IGFN1: variants seen among roughly 807,000 people sequenced by gnomAD.
IGFN1 encodes the protein immunoglobulin-like and fibronectin type III domain-containing protein 1.
IGFN1 carries 253 observed loss-of-function variants against 289.5 expected under a neutral mutation model. That is an observed-to-expected ratio of 0.87 (90% CI 0.79 to 0.97). The LOEUF (loss-of-function observed/expected upper bound fraction) is 0.97. IGFN1 is among the 50% of genes least tolerant of loss of function. The pLI is 0.00. For missense variants in IGFN1, 4,470 were observed against 4,686.1 expected (o/e 0.95, Z 1.35); for synonymous variants, 1,706 against 1,788.5 (o/e 0.95, Z 1.16).
intron 8 of IGFN1, 73 bp from the exon 9 acceptor site, chr1:201,201,646 C>T (rs1667165841): frequency 5.1e-6 from 4 of 790,752 alleles, no homozygotes; most frequent in Non-Finnish European, 8.7e-6. Flanking sequence ...GGTACCAGAG[C>T]CTATGAGGGT....
In IGFN1 at chr1:201,216,464, TC is replaced by T. The variant is rs1016960893; in HGVS notation, c.9311del (p.Pro3104HisfsTer30). 1.9e-6 allele frequency: 3 copies of T among 1,567,280 alleles called. No individual in the cohort carries two copies. Among genetic ancestry groups the T allele is most frequent in the Non-Finnish European group, 2.6e-6 (3 of 1,158,530 alleles). On this transcript the variant is annotated frameshift_variant, in exon 16 of 24. Transcript: ENST00000335211. LOFTEE classifies it high-confidence loss of function. ...TCTGTGGGTCCCCAGACAAGCCTGA[TC>T]CCCCACAAGGCCCCATGGAGGTTCA... ...LTLQVIDKPD[P>X]PQGPMEVQDC... is the part of the protein sequence containing the mutation.
chr1:201,215,544 C>T lies in IGFN1; in HGVS notation c.9001C>T (p.Pro3001Ser). ...SEATLTVQDS[P>S]TIAPDVTEKL... ...CTCTCTTGTTTTATTTCTAGATTCC[C>T]CTACCATTGCTCCAGATGTGACAGA... The change falls in exon 15 of 24, where the codon CCT (proline) becomes TCT (serine). Residue 3001 changes from proline (P) to serine (S), a missense_variant. Around this residue, in one of 8 missense-constraint regions of IGFN1, gnomAD observed 2,218 missense variants for 2,114.1 expected, o/e 1.05. Transcript: ENST00000335211. 6.4e-7 allele frequency: 1 copy of T among 1,565,392 alleles called. No individual in the cohort carries two copies. Among genetic ancestry groups the T allele is most frequent in the Non-Finnish European group, 8.7e-7 (1 of 1,154,444 alleles).
chr1:201,226,781 G>A (rs1654122348), intron 22 of IGFN1, 101 bp from the exon 23 acceptor site: 2 of 890,490 alleles, frequency 2.2e-6, no homozygotes, highest in African/African-American at 3.4e-5. Context: ...TCCCAGATAA[G>A]GCCTACATGG....
chr1:201,224,950 A>T (rs1183361548), intron 21 of IGFN1, 76 bp downstream of exon 21: 1 of 1,094,034 alleles, frequency 9.1e-7, no homozygotes, highest in Non-Finnish European at 1.3e-6. Flanking sequence ...CACTGGTCTG[A>T]TCATAGGTCT....
intron 20 of IGFN1, among the ~76,000 whole-genome samples, chr1:201,223,563 G>A (rs1182925828): frequency 6.6e-6 from 1 of 152,068 alleles, no homozygotes; most frequent in Non-Finnish European, 1.5e-5. Context: ...TAGAGATGGG[G>A]TTTCGCCGTG....
chr1:201,211,079 G>A lies in IGFN1; in HGVS notation c.6186G>A (p.Met2062Ile), dbSNP rs1667749507. The A allele has an allele frequency of 8.0e-6, 12 of 1,504,358 alleles. No individual in the cohort carries two copies. The highest frequency in any genetic ancestry group is 1.7e-4 in the Middle Eastern group (1 of 5,836). 93.2% of individuals were successfully genotyped at this position (1,504,358 alleles called of 1,614,324 possible). A position where few individuals can be genotyped will look rare whatever the true frequency, so the allele number is the denominator to read the frequency against. The change falls in exon 12 of 24, where the codon ATG becomes ATA. Residue 2062 changes from methionine (M) to isoleucine (I), a missense_variant. Around this residue, in one of 8 missense-constraint regions of IGFN1, gnomAD observed 20 missense variants for 29.1 expected, o/e 0.69. Coordinates refer to ENST00000335211, the MANE Select transcript of IGFN1 (RefSeq NM_001164586.2). Reference protein sequence around the residue: ...FRDGLGSSVEMGSVNEAGYRK... With the variant: ...FRDGLGSSVEIGSVNEAGYRK... ...ATGGTTTAGGGAGTTCTGTAGAAAT[G>A]GGGTCAGTGAATGAGGCAGGTTATA...
At chr1:201,217,216 C>T in intron 16 of IGFN1, 71 bp from the exon 17 acceptor site, 7 of 1,422,156 alleles carry the variant, frequency 4.9e-6, no homozygotes, top group South Asian at 1.2e-5. Flanking sequence ...GTGCCCCCTA[C>T]CCCCAGGGGC....
chr1:201,222,760 A>G lies in IGFN1; in HGVS notation c.10223A>G (p.Asp3408Gly), dbSNP rs770054425. Residue 3408 changes from aspartate (D) to glycine (G), a missense_variant, in exon 20 of 24, where the codon GAC (aspartate) becomes GGC (glycine). Transcript: ENST00000335211. The stretch of plus-strand genomic sequence containing the variant: ...TCAGTCTGTCCCAAGTTCCTCGTGG[A>G]CTCCAGCACCAAGGACTTGCTGACA... ...PVTVCPKFLV[D>G]SSTKDLLTVK... The G allele has an allele frequency of 1.2e-6, 2 of 1,612,284 alleles. No individual in the cohort carries two copies. The highest frequency in any genetic ancestry group is 1.3e-5 in the African/African-American group (1 of 74,916).
intron 18 of IGFN1, among the ~76,000 whole-genome samples, chr1:201,218,963 G>A (rs1197400961): frequency 7.2e-5 from 11 of 151,916 alleles, no homozygotes; most frequent in African/African-American, 2.7e-4. Context: ...GCTTGAGCCC[G>A]GGAGTTTGAG....
Position 201,215,082 on chromosome 1 carries a change from C to T in IGFN1, c.8923C>T (p.Gln2975Ter). ...LVHSLFITHV[Q>*]GTQAGRYTFV... The stretch of plus-strand genomic sequence containing the variant: ...GCACAGCCTCTTCATCACGCATGTG[C>T]AGGGGACCCAAGCTGGGAGGTACAC... Residue 2975 changes from glutamine (Q) to a stop codon, truncating the protein, a stop_gained, in exon 14 of 24, where the codon CAG (glutamine) becomes TAG (stop). Transcript: ENST00000335211. LOFTEE classifies it high-confidence loss of function. 6.8e-6 allele frequency: 11 copies of T among 1,614,098 alleles called. No homozygotes were observed. The highest frequency in any genetic ancestry group is 8.5e-6 in the Non-Finnish European group (10 of 1,180,002).
chr1:201,214,564 G>A (rs1653070419), intron 13 of IGFN1, among the ~76,000 whole-genome samples: 1 of 152,042 alleles, frequency 6.6e-6, no homozygotes, highest in Non-Finnish European at 1.5e-5. Flanking sequence ...CATACCTGCT[G>A]AATCCTACCC....
chr1:201,199,422 T>C (rs1667055028), intron 6 of IGFN1, 44 bp downstream of exon 6: 2 of 1,530,986 alleles, frequency 1.3e-6, no homozygotes, highest in African/African-American at 1.4e-5. Context: ...CTGTGGGGGA[T>C]AGGCTACTCC....
Position 201,209,384 on chromosome 1 carries a change from A to C in IGFN1, c.4491A>C (p.Lys1497Asn), listed in dbSNP as rs1199488374. ...GGTTAATTGAGGCAGGCTATAGGAA[A>C]GATTTGGGGGTTTCTGAGGGAGGGG... The part of the protein sequence containing the change: ...EMGLIEAGYR[K>N]DLGVSEGGGS... The change falls in exon 12 of 24, where the codon AAA becomes AAC. Residue 1497 changes from lysine to asparagine, a missense_variant. Around this residue, in one of 8 missense-constraint regions of IGFN1, gnomAD observed 2,011 missense variants for 1,953.4 expected, o/e 1.03. Transcript: ENST00000335211. The C allele has an allele frequency of 1.7e-5, 25 of 1,499,848 alleles. No individual in the cohort carries two copies. The highest frequency in any genetic ancestry group is 8.8e-7 in the Non-Finnish European group (1 of 1,132,436). The allele number at this position is 1,499,848 out of a possible 1,614,324, so 92.9% of individuals were successfully genotyped here.
chr1:201,192,078 G>A (rs537286003), intron 1 of IGFN1, among the ~76,000 whole-genome samples: 29 of 152,230 alleles, frequency 1.9e-4, no homozygotes, highest in Middle Eastern at 3.4e-3. Context: ...ACCCTTCCTC[G>A]TGACTCCCTT....
Position 201,215,708 on chromosome 1 carries a change from G to C in IGFN1, c.9165G>C (p.Gln3055His), listed in dbSNP as rs771424519. 10 of 1,613,324 alleles carry C rather than the reference G, an allele frequency of 6.2e-6. No individual in the cohort carries two copies. Among genetic ancestry groups the C allele is most frequent in the Admixed American group, 1.7e-5 (1 of 59,932 alleles). ...TGGGCAGCAGTGACAGGGAGGCCCAGGTGGACCTGGGGGATGGCTACACGC... is the reference window on the plus strand; with the variant it reads ...TGGGCAGCAGTGACAGGGAGGCCCACGTGGACCTGGGGGATGGCTACACGC... ...EVVGSSDREA[Q>H]VDLGDGYTRL... The change falls in exon 15 of 24, where the codon CAG (glutamine) becomes CAC (histidine). Residue 3055 changes from glutamine (Q) to histidine (H), a missense_variant. By Grantham distance (24) the Gln-to-His change is conservative. Coordinates refer to ENST00000335211, the MANE Select transcript of IGFN1 (RefSeq NM_001164586.2).
chr1:201,195,113 C>T (rs1666840788), intron 3 of IGFN1, among the ~76,000 whole-genome samples: 1 of 152,048 alleles, frequency 6.6e-6, no homozygotes, highest in African/African-American at 2.4e-5. Context: ...TTCCTCCTCC[C>T]CCTAGAGAGT....
rs768334236 is a variant in IGFN1 at position 201,218,559 on chromosome 1, C to T, written c.9799C>T (p.Gln3267Ter). 6.2e-7 allele frequency: 1 copy of T among 1,613,460 alleles called. No homozygotes were observed. The highest frequency in any genetic ancestry group is 1.1e-5 in the South Asian group (1 of 91,034). The part of the protein sequence containing the change: ...ERRWTVADVR[Q>*]GCQYEFRVTA... ...GAGGTGGACGGTGGCGGACGTGCGG[C>T]AGGGCTGTCAGTATGAGTTCCGGGT... The change falls in exon 18 of 24, where the codon CAG becomes TAG. Residue 3267 changes from glutamine to a stop codon, truncating the protein, a stop_gained. Transcript: ENST00000335211. LOFTEE classifies it high-confidence loss of function.
At chr1:201,203,289 A>G (rs1667241398) in intron 9 of IGFN1, among the ~76,000 whole-genome samples, 1 of 152,206 alleles carries the variant, frequency 6.6e-6, no homozygotes, top group Non-Finnish European at 1.5e-5. Context: ...AGGTATGCAT[A>G]TAGATTACTG....
At position 201,213,551 on chromosome 1, in the gene IGFN1, G is replaced by A. The variant is rs560936197; in HGVS notation, c.8658G>A (p.Arg2886=). Residue 2886 remains arginine, a synonymous_variant, in exon 12 of 24, where the codon AGG becomes AGA. Coordinates refer to ENST00000335211, the MANE Select transcript of IGFN1 (RefSeq NM_001164586.2). ...GCAGGTTGGACATCTATGGAGAGAGGAGAGATGCTACCCGGAGTTCCACAT... is the reference window on the plus strand; with the variant it reads ...GCAGGTTGGACATCTATGGAGAGAGAAGAGATGCTACCCGGAGTTCCACAT... ...KDGRLDIYGE[R]RDATRSSTSR... is the part of the protein sequence containing the mutation. The A allele has an allele frequency of 8.1e-6, 13 of 1,614,010 alleles. No individual in the cohort carries two copies. In the East Asian group the frequency reaches 2.9e-4, roughly 36 times the overall value.
Sources: allele counts gnomAD v4.1 joint callset (sites outside exome capture counted in the v4.1 genomes callset), GRCh38; gene constraint gnomAD v4.1.1; regional missense constraint gnomAD v4.1.1; transcripts MANE v1.5; gene names NCBI Gene and HGNC (gene_info 2026-07-23, HGNC 2026-07-21).